SNCAIP: variants seen among roughly 807,000 people sequenced by gnomAD.
SNCAIP encodes synphilin-1.
SNCAIP carries 43 observed loss-of-function variants against 86.7 expected under a neutral mutation model. The ratio of observed to expected loss-of-function variants is 0.50; its 90% CI spans 0.39 to 0.64. The LOEUF is 0.64. Among genes scored for constraint, SNCAIP ranks in the 30% least tolerant of loss-of-function variants. The pLI, the probability that SNCAIP is intolerant of heterozygous loss-of-function variation, is 0.00. For synonymous variants in SNCAIP, 417 were observed against 427.2 expected (o/e 0.98, Z 0.29); for missense variants, 981 against 1,103.1 (o/e 0.89, Z 1.57).
At position 122,391,198 on chromosome 5, in the gene SNCAIP, A is replaced by T. The variant is rs1212351266; in HGVS notation, c.57+7A>T. ...CTTTAGTGATGACATATCTGTAAGT[A>T]CCACTGTATACAAGAAATGCTTTCA... On this transcript the variant is annotated splice_region_variant and intron_variant, in intron 2 of 10. Transcript: ENST00000261368. 2 of 1,578,722 alleles carry T rather than the reference A, an allele frequency of 1.3e-6. No individual in the cohort carries two copies. Among genetic ancestry groups the T allele is most frequent in the Admixed American group, 3.3e-5 (2 of 59,968 alleles).
At chr5:122,431,299 A>G (rs1411105985) in intron 5 of SNCAIP, among the ~76,000 whole-genome samples, 1 of 152,200 alleles carries the variant, frequency 6.6e-6, no homozygotes, top group Non-Finnish European at 1.5e-5. Context: ...CACAAAAAAA[A>G]TTCATAGCAA....
At chr5:122,455,681 T>A (rs1409369723) in intron 10 of SNCAIP, among the ~76,000 whole-genome samples, 1 of 152,034 alleles carries the variant, frequency 6.6e-6, no homozygotes, top group Non-Finnish European at 1.5e-5. Context: ...TATTTTTTTC[T>A]GATAAAGGAA....
At chr5:122,461,276 A>G (rs1412017003) in intron 10 of SNCAIP, among the ~76,000 whole-genome samples, 1 of 151,922 alleles carries the variant, frequency 6.6e-6, no homozygotes, top group Non-Finnish European at 1.5e-5. Flanking sequence ...TTTATCTCCA[A>G]TATTTTGATT....
At chr5:122,385,215 T>C (rs893259097) in intron 1 of SNCAIP, among the ~76,000 whole-genome samples, 1 of 152,244 alleles carries the variant, frequency 6.6e-6, no homozygotes, top group Non-Finnish European at 1.5e-5. Context: ...TGGTACCATA[T>C]ACTCCATCTT....
chr5:122,454,108 C>T (rs1211152340), intron 10 of SNCAIP, among the ~76,000 whole-genome samples: 1 of 152,176 alleles, frequency 6.6e-6, no homozygotes, highest in Non-Finnish European at 1.5e-5. Context: ...AAAATTATAA[C>T]ATGCCATTCA....
intron 1 of SNCAIP, among the ~76,000 whole-genome samples, chr5:122,335,744 G>A (rs1020902284): frequency 1.3e-5 from 2 of 152,146 alleles, no homozygotes; most frequent in African/African-American, 2.4e-5. Context: ...AGGGCTCTTC[G>A]GCATTGTACT....
rs36222259 is a variant in SNCAIP, at chr5:122,358,159, T to TTGTGTG, written c.-46-32890_-46-32885dup. On this transcript the variant is annotated intron_variant, in intron 1 of 10. Transcript: ENST00000261368. The stretch of plus-strand genomic sequence containing the variant: ...ATCAAAGAAAGAAAAATTTGTTTCT[T>TTGTGTG]TGTGTGTGTGTGTGTGTGTGTGTGT... Among the ~76,000 whole-genome samples, 515 of 138,072 alleles carry TTGTGTG rather than the reference T, an allele frequency of 3.7e-3. 2 individuals carry two copies. Among genetic ancestry groups the TTGTGTG allele is most frequent in the Non-Finnish European group, 5.0e-3 (323 of 64,880 alleles). 90.6% of individuals were successfully genotyped at this position (138,072 alleles called of 152,430 possible).
At chr5:122,415,565 G>T (rs1426084674) in intron 3 of SNCAIP, among the ~76,000 whole-genome samples, 3 of 152,218 alleles carry the variant, frequency 2.0e-5, no homozygotes, top group African/African-American at 7.2e-5. Flanking sequence ...TTTGGAAGTT[G>T]TCAGTTGGAA....
intron 1 of SNCAIP, chr5:122,323,424 G>A (rs1016209909): frequency 2.0e-5 from 3 of 152,228 alleles, no homozygotes; most frequent in Non-Finnish European, 2.9e-5. Context: ...TTGATTTGGT[G>A]AGAAGGATGT....
chr5:122,331,973 T>C (rs1755448114), intron 1 of SNCAIP, among the ~76,000 whole-genome samples: 1 of 152,238 alleles, frequency 6.6e-6, no homozygotes. Context: ...AGTGTACAGA[T>C]ACAAGCCTGC....
At chr5:122,461,764 T>G (rs1171077231) in intron 10 of SNCAIP, among the ~76,000 whole-genome samples, 2 of 150,236 alleles carry the variant, frequency 1.3e-5, no homozygotes, top group African/African-American at 4.9e-5. Flanking sequence ...CTGCAACCTC[T>G]GCCTCCTGGG....
At chr5:122,422,751 C>A in intron 3 of SNCAIP, 117 bp from the exon 4 acceptor site, 1 of 806,104 alleles carries the variant, frequency 1.2e-6, no homozygotes, top group Non-Finnish European at 2.1e-6. Context: ...TCTAAGTCAT[C>A]CTCACACACA....
intron 1 of SNCAIP, among the ~76,000 whole-genome samples, chr5:122,357,589 C>T (rs1402105417): frequency 1.3e-5 from 2 of 151,898 alleles, no homozygotes; most frequent in East Asian, 3.9e-4. Flanking sequence ...AAGGACCCAC[C>T]CTTCTCCCAT....
chr5:122,314,583 T>G (rs867580536), intron 1 of SNCAIP, among the ~76,000 whole-genome samples: 4 of 152,234 alleles, frequency 2.6e-5, no homozygotes, highest in Non-Finnish European at 1.5e-5. Context: ...TATACTTATT[T>G]TCTTGTGCCC....
intron 1 of SNCAIP, among the ~76,000 whole-genome samples, chr5:122,382,997 C>T (rs867013776): frequency 0.011 from 1,681 of 151,542 alleles, 15 homozygotes; most frequent in Non-Finnish European, 0.015. Flanking sequence ...GTCTTTTTGT[C>T]TGTCTGTGCC....
intron 6 of SNCAIP, among the ~76,000 whole-genome samples, chr5:122,435,284 T>C (rs1268660034): frequency 6.6e-6 from 1 of 152,172 alleles, no homozygotes; most frequent in East Asian, 1.9e-4. Context: ...TTGCTGGCCC[T>C]TGAGAAAGAT....
chr5:122,440,837 A>T (rs756224280), intron 7 of SNCAIP, 83 bp downstream of exon 7: 1 of 1,271,308 alleles, frequency 7.9e-7, no homozygotes, highest in Non-Finnish European at 1.1e-6. Flanking sequence ...CACTAGGAGA[A>T]TGTCTGAATT....
intron 1 of SNCAIP, among the ~76,000 whole-genome samples, chr5:122,347,980 G>C: frequency 6.6e-6 from 1 of 151,972 alleles, no homozygotes; most frequent in Middle Eastern, 3.2e-3. Flanking sequence ...AGCATGTTAT[G>C]AGCAAGCCAA....
chr5:122,345,403 A>G (rs1389916358), intron 1 of SNCAIP, among the ~76,000 whole-genome samples: 1 of 152,188 alleles, frequency 6.6e-6, no homozygotes. Context: ...AAAGTCCTAA[A>G]GAGGCTAGAG....
Sources: gnomAD v4.1 joint callset for allele counts (sites outside exome capture counted in the v4.1 genomes callset) on GRCh38, gnomAD v4.1.1 for gene constraint, MANE v1.5 for transcripts, NCBI Gene and HGNC (gene_info 2026-07-23, HGNC 2026-07-21) for gene names.